Variants in EIF3H observed in about 807,000 individuals in gnomAD.
The protein encoded by EIF3H is eukaryotic translation initiation factor 3 subunit H.
A neutral mutation model predicts 44.2 loss-of-function variants in EIF3H; 26 were observed. The ratio of observed to expected loss-of-function variants is 0.59; its 90% CI spans 0.43 to 0.82. EIF3H has a LOEUF of 0.82. Among genes scored for constraint, EIF3H ranks in the 40% least tolerant of loss-of-function variants. The pLI is 0.00. For missense variants in EIF3H, 359 were observed against 432.8 expected (o/e 0.83, Z 1.51); for synonymous variants, 166 against 151.9 (o/e 1.09, Z -0.68).
intron 2 of EIF3H, among the ~76,000 whole-genome samples, chr8:116,671,490 G>A (rs1288820362): frequency 1.3e-5 from 2 of 152,124 alleles, no homozygotes; most frequent in Non-Finnish European, 2.9e-5. Context: ...TTAGACCAAC[G>A]CGTTAAATGG....
chr8:116,728,940 T>C (rs1814903335), intron 1 of EIF3H, among the ~76,000 whole-genome samples: 1 of 152,220 alleles, frequency 6.6e-6, no homozygotes, highest in Non-Finnish European at 1.5e-5. Context: ...AAATGACCAA[T>C]ATTGTTGATA....
At chr8:116,699,118 G>C (rs1814324346) in intron 2 of EIF3H, among the ~76,000 whole-genome samples, 1 of 144,894 alleles carries the variant, frequency 6.9e-6, no homozygotes, top group South Asian at 2.2e-4. Context: ...CCCAGCAACA[G>C]AGCTGGAACC....
chr8:116,685,613 C>T (rs1222734560), intron 2 of EIF3H, among the ~76,000 whole-genome samples: 1 of 152,058 alleles, frequency 6.6e-6, no homozygotes, highest in Admixed American at 6.6e-5. Context: ...TTTCAACCCA[C>T]CAGTAAAAGA....
At chr8:116,754,866 T>C (rs929487928) in intron 1 of EIF3H, among the ~76,000 whole-genome samples, 1 of 152,244 alleles carries the variant, frequency 6.6e-6, no homozygotes, top group Non-Finnish European at 1.5e-5. Flanking sequence ...AGTACTTTCT[T>C]ATTACAAATA....
intron 2 of EIF3H, among the ~76,000 whole-genome samples, chr8:116,682,091 A>G (rs1165812002): frequency 6.6e-6 from 1 of 152,196 alleles, no homozygotes; most frequent in Non-Finnish European, 1.5e-5. Context: ...AAGAGCATAA[A>G]AGCAGCGTCC....
At chr8:116,673,024 A>AC (rs1480826810) in intron 2 of EIF3H, among the ~76,000 whole-genome samples, 16 of 148,570 alleles carry the variant, frequency 1.1e-4, no homozygotes, top group Non-Finnish European at 1.5e-4. Flanking sequence ...AAAAAAAAAA[A>AC]CACCACAAAA....
chr8:116,671,980 A>C (rs1043321412), intron 2 of EIF3H, among the ~76,000 whole-genome samples: 1 of 152,230 alleles, frequency 6.6e-6, no homozygotes, highest in Non-Finnish European at 1.5e-5. Context: ...CAAAACCTAA[A>C]TGCCCTTAAA....
chr8:116,762,787 T>C (rs995924987), intron 1 of EIF3H, among the ~76,000 whole-genome samples: 2 of 152,094 alleles, frequency 1.3e-5, no homozygotes, highest in South Asian at 2.1e-4. Context: ...TACTTAAATA[T>C]ACAAAAATTA....
chr8:116,659,158 A>C, intron 2 of EIF3H, among the ~76,000 whole-genome samples, 178 bp from the exon 3 acceptor site: 1 of 152,244 alleles, frequency 6.6e-6, no homozygotes, highest in East Asian at 1.9e-4. Flanking sequence ...TTAGGCTTTT[A>C]AATCATCAGG....
At chr8:116,683,568 T>C (rs1814026897) in intron 2 of EIF3H, among the ~76,000 whole-genome samples, 1 of 152,222 alleles carries the variant, frequency 6.6e-6, no homozygotes, top group Non-Finnish European at 1.5e-5. Flanking sequence ...TGTTAGACAT[T>C]CAGCCCTTAA....
At chr8:116,714,536 TA>T (rs1814628429) in intron 2 of EIF3H, among the ~76,000 whole-genome samples, 1 of 152,092 alleles carries the variant, frequency 6.6e-6, no homozygotes, top group South Asian at 2.1e-4. Context: ...TACAGTGGAC[TA>T]ATTTTTTTTT....
chr8:116,656,189 T>C (rs57306258), intron 4 of EIF3H, among the ~76,000 whole-genome samples, 184 bp from the exon 5 acceptor site: 2 of 151,044 alleles, frequency 1.3e-5, no homozygotes, highest in East Asian at 3.9e-4. Flanking sequence ...GTGATTTGAG[T>C]AACTTTGAAA....
chr8:116,716,199 T>TA (rs1814657090), intron 2 of EIF3H, among the ~76,000 whole-genome samples: 1 of 152,078 alleles, frequency 6.6e-6, no homozygotes, highest in African/African-American at 2.4e-5. Context: ...AAAAAGATAC[T>TA]AGAGTCAGAA....
upstream of EIF3H, among the ~76,000 whole-genome samples, chr8:116,758,327 G>C (rs533075036): frequency 2.5e-4 from 38 of 152,320 alleles, no homozygotes; most frequent in African/African-American, 8.9e-4. Context: ...TTCTCAATGT[G>C]TATGCCCCAA....
At chr8:116,657,114 A>G in intron 4 of EIF3H, 101 bp downstream of exon 4, 1 of 1,021,604 alleles carries the variant, frequency 9.8e-7, no homozygotes, top group Non-Finnish European at 1.5e-6. Context: ...CCACATGGCA[A>G]AAGCATTACC....
chr8:116,668,663 C>T lies in EIF3H; in HGVS notation c.290-9683G>A, dbSNP rs376242366. ...TACCACACATTAATTGTGTGACCGG[C>T]GACAAATTAACTAGACTGGCCTCCT... On this transcript the variant is annotated intron_variant, in intron 2 of 7. Transcript: ENST00000521861. 2.7e-4 allele frequency among the ~76,000 whole-genome samples: 41 copies of T among 151,238 alleles called. 2 individuals are homozygous for T. The South Asian group carries it at 6.7e-3, about 25-fold the overall frequency.
chr8:116,752,898 A>T (rs918770405), intron 1 of EIF3H, among the ~76,000 whole-genome samples: 24 of 152,052 alleles, frequency 1.6e-4, no homozygotes, highest in African/African-American at 4.8e-4. Context: ...AGTTTTTTTT[A>T]AATTGTATCT....
intron 2 of EIF3H, among the ~76,000 whole-genome samples, chr8:116,681,771 C>A (rs1563641641): frequency 1.3e-5 from 2 of 150,804 alleles, no homozygotes. Flanking sequence ...ACAAGATAAA[C>A]AATTCTTTTC....
intron 2 of EIF3H, among the ~76,000 whole-genome samples, chr8:116,675,212 A>C (rs1219409708): frequency 2.6e-5 from 4 of 152,244 alleles, no homozygotes. Flanking sequence ...CGAATGACTC[A>C]AGCAACCAAT....
Sources: gnomAD v4.1 joint callset for allele counts (sites outside exome capture counted in the v4.1 genomes callset) on GRCh38, gnomAD v4.1.1 for gene constraint, MANE v1.5 for transcripts, NCBI Gene and HGNC (gene_info 2026-07-23, HGNC 2026-07-21) for gene names.